The following CCDC30 variants were observed in gnomAD, a reference collection of about 807,000 sequenced individuals.
CCDC30 encodes coiled-coil domain containing 30.
In CCDC30, 70 loss-of-function variants were observed where a neutral mutation model predicts 100.2. The ratio of observed to expected loss-of-function variants is 0.70; its 90% confidence interval spans 0.58 to 0.85. CCDC30 has a LOEUF of 0.85. CCDC30 is among the 40% of genes least tolerant of loss of function. CCDC30 has a pLI of 0.00. For synonymous variants in CCDC30, 233 were observed against 269.5 expected, an observed-to-expected ratio of 0.86 and a Z score of 1.33; for missense variants, 652 against 771.2, an observed-to-expected ratio of 0.85 and a Z score of 1.83.
chr1:42,510,065 T>C (rs1271951209), intron 6 of CCDC30: 20 of 985,268 alleles, frequency 2.0e-5, no homozygotes, highest in Non-Finnish European at 2.4e-5. Context: ...GTTTGTGTTG[T>C]AGAATTGGAG....
chr1:42,464,578 T>G (rs1237059289), intron 1 of CCDC30, among the ~76,000 whole-genome samples: 2 of 152,190 alleles, frequency 1.3e-5, no homozygotes. Flanking sequence ...AAATAAATAT[T>G]TTTGGCAAGG....
At chr1:42,562,536 A>G (rs1197904009) in intron 6 of CCDC30, among the ~76,000 whole-genome samples, 1 of 152,238 alleles carries the variant, frequency 6.6e-6, no homozygotes, top group Non-Finnish European at 1.5e-5. Flanking sequence ...TATTCAGGAC[A>G]TAGCCATGGG....
chr1:42,617,441 G>T (rs1339471323), intron 11 of CCDC30, among the ~76,000 whole-genome samples: 1 of 152,136 alleles, frequency 6.6e-6, no homozygotes, highest in African/African-American at 2.4e-5. Context: ...GGTTCTACTT[G>T]TCCACTGCCT....
chr1:42,568,351 G>A (rs960475793), intron 7 of CCDC30, among the ~76,000 whole-genome samples: 2 of 152,126 alleles, frequency 1.3e-5, no homozygotes, highest in East Asian at 3.9e-4. Context: ...CTGACCTCAG[G>A]TGATCCTTCC....
At chr1:42,579,971 A>G (rs1645928782) in intron 8 of CCDC30, among the ~76,000 whole-genome samples, 1 of 151,876 alleles carries the variant, frequency 6.6e-6, no homozygotes, top group African/African-American at 2.4e-5. Flanking sequence ...ATTAAAAAGG[A>G]ACAGCAAGGA....
intron 8 of CCDC30, among the ~76,000 whole-genome samples, chr1:42,578,732 C>T (rs1297481288): frequency 6.6e-6 from 1 of 152,124 alleles, no homozygotes; most frequent in Non-Finnish European, 1.5e-5. Context: ...AAAACTGTTA[C>T]ATGCATGTAT....
intron 9 of CCDC30, 56 bp from the exon 14 acceptor site, chr1:42,589,265 G>T: frequency 2.8e-6 from 4 of 1,405,978 alleles, no homozygotes; most frequent in Non-Finnish European, 1.9e-6. Context: ...AAAATTTTAG[G>T]TCTGAATTTC....
intron 10 of CCDC30, among the ~76,000 whole-genome samples, chr1:42,605,708 A>T (rs1646489010): frequency 6.6e-6 from 1 of 152,026 alleles, no homozygotes; most frequent in African/African-American, 2.4e-5. Context: ...GCTGGTCTTG[A>T]ACTCCTGGGC....
chr1:42,490,622 G>A (rs1489465831), intron 4 of CCDC30, among the ~76,000 whole-genome samples: 2 of 151,798 alleles, frequency 1.3e-5, no homozygotes, highest in Non-Finnish European at 2.9e-5. Context: ...CACTTCACAT[G>A]CGTTATCTCT....
At chr1:42,460,210 T>A, upstream of CCDC30, 1 of 1,111,170 alleles carries the variant, frequency 9.0e-7, no homozygotes, top group Non-Finnish European at 1.1e-6. Context: ...ATGTCAGCCA[T>A]CTTTATACTA....
At chr1:42,536,373 C>A in intron 6 of CCDC30, 103 bp from the exon 7 acceptor site, 1 of 692,858 alleles carries the variant, frequency 1.4e-6, no homozygotes, top group South Asian at 2.6e-5. Context: ...TTCATAAATC[C>A]CCTGGATGAT....
chr1:42,539,106 T>C, intron 6 of CCDC30, 67 bp from the exon 8 acceptor site: 7 of 1,263,580 alleles, frequency 5.5e-6, no homozygotes, highest in Non-Finnish European at 7.4e-6. Context: ...TTCTTAAAAA[T>C]ATTATATCTT....
chr1:42,531,280 C>A (rs111997141), intron 6 of CCDC30, among the ~76,000 whole-genome samples: 1 of 151,988 alleles, frequency 6.6e-6, no homozygotes. Flanking sequence ...TGAGGCCTCC[C>A]CAGCCATGCT....
At chr1:42,481,740 TG>T (rs1258352541) in intron 2 of CCDC30, among the ~76,000 whole-genome samples, 4 of 152,128 alleles carry the variant, frequency 2.6e-5, no homozygotes, top group Non-Finnish European at 5.9e-5. Context: ...TCTAGGGAAA[TG>T]TTATTAAAAG....
chr1:42,604,214 A>G (rs567095990), intron 10 of CCDC30, among the ~76,000 whole-genome samples: 1 of 152,308 alleles, frequency 6.6e-6, no homozygotes, highest in South Asian at 2.1e-4. Flanking sequence ...AGCAAGACCC[A>G]CGCTCTAAAA....
At chr1:42,500,417 CTCTTT>C in intron 6 of CCDC30, 1 of 912,040 alleles carries the variant, frequency 1.1e-6, no homozygotes, top group African/African-American at 1.7e-5. Context: ...ACCGAGTTCT[CTCTTT>C]TTTTTTTTTG....
chr1:42,499,484 A>AT (rs928502865), intron 6 of CCDC30, among the ~76,000 whole-genome samples: 21 of 151,468 alleles, frequency 1.4e-4, no homozygotes, highest in Non-Finnish European at 2.7e-4. Context: ...TTATTATTAT[A>AT]TTTTTTTTAG....
chr1:42,546,558 T>G (rs1645149145), intron 6 of CCDC30, among the ~76,000 whole-genome samples: 1 of 150,776 alleles, frequency 6.6e-6, no homozygotes, highest in Non-Finnish European at 1.5e-5. Context: ...TGTTAAGATG[T>G]TAACATCCTA....
chr1:42,574,216 A>G (rs950906163), intron 7 of CCDC30, among the ~76,000 whole-genome samples: 2 of 151,872 alleles, frequency 1.3e-5, no homozygotes, highest in African/African-American at 4.8e-5. Flanking sequence ...ATTGCAAAAA[A>G]CTCATCCCTA....
Sources: gnomAD v4.1 joint callset for allele counts (sites outside exome capture counted in the v4.1 genomes callset) on GRCh38, gnomAD v4.1.1 for gene constraint, MANE v1.5 for transcripts, NCBI Gene and HGNC (gene_info 2026-07-23, HGNC 2026-07-21) for gene names.